Variants in CSMD3 observed in about 807,000 individuals in gnomAD.
CSMD3 encodes CUB and sushi domain-containing protein 3.
CSMD3 carries 177 observed loss-of-function variants against 435.2 expected under a neutral mutation model. The observed-to-expected ratio is 0.41, with a 90% CI of 0.36 to 0.46. CSMD3 has a LOEUF of 0.46. Ranked by LOEUF, CSMD3 falls within the 20% of genes least tolerant of loss-of-function variation. The pLI is 0.34. For synonymous variants in CSMD3, 1,656 were observed against 1,520.5 expected (o/e 1.09, Z -2.07); for missense variants, 4,265 against 4,504.6 (o/e 0.95, Z 1.52).
chr8:113,036,065 T>C (rs2087337651), intron 5 of CSMD3, among the ~76,000 whole-genome samples: 1 of 151,974 alleles, frequency 6.6e-6, no homozygotes, highest in Admixed American at 6.6e-5. Context: ...AAAGAAAAAC[T>C]AATTATAAAT....
intron 18 of CSMD3, among the ~76,000 whole-genome samples, chr8:112,651,583 G>A (rs2075128117): frequency 6.6e-6 from 1 of 150,602 alleles, no homozygotes; most frequent in Non-Finnish European, 1.5e-5. Flanking sequence ...TGTCGCCCAG[G>A]CTGGAGTACA....
intron 52 of CSMD3, among the ~76,000 whole-genome samples, chr8:112,302,696 C>A (rs1371201991): frequency 2.0e-5 from 3 of 151,730 alleles, no homozygotes; most frequent in Admixed American, 2.0e-4. Flanking sequence ...CAAAACAACT[C>A]TCTAGGTTTT....
chr8:113,258,406 A>G (rs1010996466), intron 3 of CSMD3, among the ~76,000 whole-genome samples: 32 of 152,288 alleles, frequency 2.1e-4, no homozygotes, highest in African/African-American at 7.7e-4. Context: ...TCATAGCAAT[A>G]TATTGTTTAG....
chr8:113,125,050 T>C (rs2091087790), intron 4 of CSMD3, among the ~76,000 whole-genome samples: 1 of 151,972 alleles, frequency 6.6e-6, no homozygotes. Context: ...AAACATAGCA[T>C]GCTGTTCCAT....
At chr8:112,930,733 C>A (rs2083077943) in intron 9 of CSMD3, among the ~76,000 whole-genome samples, 1 of 152,004 alleles carries the variant, frequency 6.6e-6, no homozygotes, top group Admixed American at 6.6e-5. Context: ...AAGAGTAACC[C>A]ACAAGGCACT....
intron 6 of CSMD3, among the ~76,000 whole-genome samples, chr8:112,990,070 A>T (rs1024351609): frequency 6.6e-6 from 1 of 151,968 alleles, no homozygotes; most frequent in Non-Finnish European, 1.5e-5. Context: ...ACCTTCCGCC[A>T]TGATTGTGAG....
intron 31 of CSMD3, among the ~76,000 whole-genome samples, chr8:112,479,876 CA>C (rs1279634919): frequency 4.6e-5 from 7 of 152,194 alleles, no homozygotes; most frequent in Non-Finnish European, 8.8e-5. Flanking sequence ...AGAACCCACA[CA>C]AAGTCCCCAC....
intron 11 of CSMD3, among the ~76,000 whole-genome samples, chr8:112,838,832 T>G (rs1359401401): frequency 6.6e-6 from 1 of 151,716 alleles, no homozygotes; most frequent in African/African-American, 2.4e-5. Flanking sequence ...TCATCCTAAA[T>G]TAGCTACTTA....
Position 112,646,360 on chromosome 8 carries a change from ATG to A in CSMD3, c.3194-1137_3194-1136del, listed in dbSNP as rs1181335695. ...CATGTGCTCCTGAGCATGCACATTT[ATG>A]TGTGTTTGTATATCTGTGTGTTTGT... On this transcript the variant is annotated intron_variant, in intron 19 of 70. Transcript: ENST00000297405. Among the ~76,000 whole-genome samples, 9 of 152,128 alleles carry A rather than the reference ATG, an allele frequency of 5.9e-5. No individual in the cohort carries two copies. The East Asian group carries it at 9.7e-4, about 16-fold the overall frequency.
In CSMD3 at chr8:113,019,096, C is replaced by T. The variant is rs755471454; in HGVS notation, c.1001G>A (p.Arg334Gln). The change falls in exon 6 of 71, where the codon CGA (arginine) becomes CAA (glutamine). Residue 334 changes from arginine to glutamine, a missense_variant. Arg to Gln is a conservative substitution (Grantham distance 43). Around this residue, in one of 3 missense-constraint regions of CSMD3, gnomAD observed 731 missense variants for 755.4 expected, o/e 0.97. Coordinates refer to ENST00000297405, the MANE Select transcript of CSMD3 (RefSeq NM_198123.2). ...ATAGGGAGCACTAAATCCACGGTAT[C>T]GATGATTGCTGTCTGTAACAAAATG... ...RLHFVTDSNHRYRGFSAPYQG... is the reference protein window; with the variant it reads ...RLHFVTDSNHQYRGFSAPYQG... 3.1e-6 allele frequency: 5 copies of T among 1,612,440 alleles called. No individual in the cohort carries two copies. The highest frequency in any genetic ancestry group is 2.2e-5 in the South Asian group (2 of 91,046).
chr8:112,663,510 T>C (rs1421140437), intron 17 of CSMD3, among the ~76,000 whole-genome samples: 2 of 137,358 alleles, frequency 1.5e-5, no homozygotes, highest in Non-Finnish European at 3.2e-5. Flanking sequence ...GGGGGAGGGA[T>C]AGCATTAGGA....
intron 3 of CSMD3, among the ~76,000 whole-genome samples, chr8:113,260,514 T>C (rs1182488130): frequency 3.3e-5 from 5 of 152,168 alleles, no homozygotes; most frequent in African/African-American, 1.2e-4. Context: ...GCTATTTCTA[T>C]GGCTGTATAT....
Position 112,947,807 on chromosome 8 carries a change from T to C in CSMD3, c.1491A>G (p.Arg497=), listed in dbSNP as rs1219378861. ...AATATTACCTAAAATCTGATCCGAT[T>C]CTCTTCCCATTTTCTGGTTCTCCTG... ...PDPGEPENGK[R]IGSDFSLGST... Residue 497 remains arginine, a synonymous_variant, in exon 9 of 71, where the codon AGA becomes AGG. Coordinates refer to ENST00000297405, the MANE Select transcript of CSMD3 (RefSeq NM_198123.2). 2 of 1,438,156 alleles carry C rather than the reference T, an allele frequency of 1.4e-6. No homozygotes were observed. The highest frequency in any genetic ancestry group is 2.0e-6 in the Non-Finnish European group (2 of 1,021,816). 89.1% of individuals were successfully genotyped at this position (1,438,156 alleles called of 1,614,324 possible).
intron 12 of CSMD3, among the ~76,000 whole-genome samples, chr8:112,823,649 C>A (rs1486723091): frequency 6.6e-6 from 1 of 152,106 alleles, no homozygotes; most frequent in Non-Finnish European, 1.5e-5. Context: ...ATTTCTCAAT[C>A]CCAACTTCTA....
Position 112,597,653 on chromosome 8 carries a change from G to A in CSMD3, c.3716-10418C>T, listed in dbSNP as rs1284825732. ...GGCAAACCGAATCCAGTAGCACATCGAAAAGCTTATCCACCATGATCAAGT... is the reference window on the plus strand; with the variant it reads ...GGCAAACCGAATCCAGTAGCACATCAAAAAGCTTATCCACCATGATCAAGT... On this transcript the variant is annotated intron_variant, in intron 22 of 70. Coordinates refer to ENST00000297405, the MANE Select transcript of CSMD3 (RefSeq NM_198123.2). 3.0e-4 allele frequency among the ~76,000 whole-genome samples: 39 copies of A among 130,308 alleles called. 1 individual carries two copies. Among genetic ancestry groups the A allele is most frequent in the Admixed American group, 3.1e-4 (4 of 12,724 alleles). The allele number at this position is 130,308 out of a possible 152,430, so 85.5% of individuals were successfully genotyped here.
intron 7 of CSMD3, among the ~76,000 whole-genome samples, chr8:112,964,735 C>A (rs976632821): frequency 1.3e-5 from 2 of 151,786 alleles, no homozygotes; most frequent in African/African-American, 4.8e-5. Flanking sequence ...CTAGAAATTT[C>A]TGTCACTTTA....
rs1295091633 is a variant in CSMD3, at chr8:112,590,727, A to AT, written c.3716-3493_3716-3492insA. Among the ~76,000 whole-genome samples the AT allele has an allele frequency of 5.5e-5, 8 of 145,474 alleles. No individual in the cohort carries two copies. The East Asian group carries it at 5.9e-4, about 11-fold the overall frequency. Reference sequence around the variant, plus strand: ...GAGACTGAATGAGGTACATTTATAAAATTTTTTGAGATTTTGGGTCAGAAA... The same window carrying AT: ...GAGACTGAATGAGGTACATTTATAAATATTTTTTGAGATTTTGGGTCAGAAA... On this transcript the variant is annotated intron_variant, in intron 22 of 70. Coordinates refer to ENST00000297405, the MANE Select transcript of CSMD3 (RefSeq NM_198123.2).
At chr8:112,896,080 C>T (rs889370816) in intron 10 of CSMD3, among the ~76,000 whole-genome samples, 1 of 151,406 alleles carries the variant, frequency 6.6e-6, no homozygotes, top group African/African-American at 2.4e-5. Context: ...AATTTGTTCC[C>T]AGTGAATGTG....
chr8:112,704,696 G>C (rs1010456714), intron 13 of CSMD3, among the ~76,000 whole-genome samples: 1 of 152,040 alleles, frequency 6.6e-6, no homozygotes, highest in Non-Finnish European at 1.5e-5. Context: ...ACAAGTGTGG[G>C]ATTAAGCTTA....
Sources: allele counts gnomAD v4.1 joint callset (sites outside exome capture counted in the v4.1 genomes callset), GRCh38; gene constraint gnomAD v4.1.1; regional missense constraint gnomAD v4.1.1; transcripts MANE v1.5; gene names NCBI Gene and HGNC (gene_info 2026-07-23, HGNC 2026-07-21).